The following PLPPR1 variants were observed in gnomAD, a reference collection of about 807,000 sequenced individuals.
PLPPR1 encodes the protein phospholipid phosphatase-related protein type 1.
A neutral mutation model predicts 33.1 loss-of-function variants in PLPPR1; 10 were observed. The ratio of observed to expected loss-of-function variants is 0.30; its 90% CI spans 0.19 to 0.51. The LOEUF is 0.51. PLPPR1 is among the 20% of genes least tolerant of loss of function. PLPPR1 has a pLI of 0.97. For missense variants in PLPPR1, 304 were observed against 408.1 expected (o/e 0.74, Z 2.20); for synonymous variants, 151 against 151.0 (o/e 1.00, Z 0.00).
chr9:101,223,148 C>CA (rs869205435), intron 2 of PLPPR1, among the ~76,000 whole-genome samples: 1,435 of 23,666 alleles, frequency 0.061, 49 homozygotes, highest in African/African-American at 0.17. Flanking sequence ...CCCATCTCTA[C>CA]AAAAAAAAAA....
intron 5 of PLPPR1, among the ~76,000 whole-genome samples, chr9:101,312,158 GAATA>G (rs1828970410): frequency 6.6e-6 from 1 of 152,218 alleles, no homozygotes; most frequent in African/African-American, 2.4e-5. Flanking sequence ...GTAAATGAAT[GAATA>G]AAGCTGATCA....
intron 4 of PLPPR1, among the ~76,000 whole-genome samples, chr9:101,296,491 C>T (rs1305708561): frequency 6.6e-6 from 1 of 151,904 alleles, no homozygotes; most frequent in African/African-American, 2.4e-5. Flanking sequence ...TATAAAGACA[C>T]ATGCACATGT....
chr9:101,155,722 C>A (rs1831674620), intron 1 of PLPPR1, among the ~76,000 whole-genome samples: 1 of 152,112 alleles, frequency 6.6e-6, no homozygotes, highest in Admixed American at 6.5e-5. Context: ...GCCTCAGCCT[C>A]CCAAGTAGCT....
chr9:101,160,097 G>C (rs939886863), intron 1 of PLPPR1, among the ~76,000 whole-genome samples: 1 of 152,190 alleles, frequency 6.6e-6, no homozygotes, highest in African/African-American at 2.4e-5. Flanking sequence ...GATTTGTAAA[G>C]TGCATGCCTG....
chr9:101,190,694 A>G (rs1187889889), intron 2 of PLPPR1, among the ~76,000 whole-genome samples: 1 of 152,164 alleles, frequency 6.6e-6, no homozygotes, highest in Admixed American at 6.5e-5. Flanking sequence ...AAGCTGCCTG[A>G]CAATACAGCA....
chr9:101,308,383 A>T (rs905109273), intron 4 of PLPPR1, among the ~76,000 whole-genome samples: 1 of 152,224 alleles, frequency 6.6e-6, no homozygotes, highest in African/African-American at 2.4e-5. Context: ...GATGTGGATT[A>T]TACCCTGAGC....
At chr9:101,172,713 C>T (rs1481744422) in intron 1 of PLPPR1, among the ~76,000 whole-genome samples, 1 of 152,090 alleles carries the variant, frequency 6.6e-6, no homozygotes, top group East Asian at 1.9e-4. Flanking sequence ...GCCTTGTGAA[C>T]TTGAGATGCC....
At chr9:101,252,493 A>AT (rs1827728975) in intron 2 of PLPPR1, among the ~76,000 whole-genome samples, 1 of 152,148 alleles carries the variant, frequency 6.6e-6, no homozygotes, top group Non-Finnish European at 1.5e-5. Context: ...GAAAGACATT[A>AT]TCTTAGTGGC....
At chr9:101,192,471 G>A (rs1826313267) in intron 2 of PLPPR1, among the ~76,000 whole-genome samples, 1 of 152,014 alleles carries the variant, frequency 6.6e-6, no homozygotes, top group African/African-American at 2.4e-5. Flanking sequence ...AATTTCTTTG[G>A]ACCCCAATTG....
chr9:101,175,053 G>A (rs918431697), intron 1 of PLPPR1, among the ~76,000 whole-genome samples: 2 of 152,052 alleles, frequency 1.3e-5, no homozygotes, highest in Admixed American at 6.6e-5. Flanking sequence ...ATTAGACCTG[G>A]CATTGTTTTT....
rs535393628 is a variant in PLPPR1, at chr9:101,107,923, C to T, written c.-45-77527C>T. Reference sequence around the variant, plus strand: ...AGTGACCCGATTTTCCAGGTGCGTTCGTCACCCCTTTCTTTGACTCGGAAA... The same window carrying T: ...AGTGACCCGATTTTCCAGGTGCGTTTGTCACCCCTTTCTTTGACTCGGAAA... On this transcript the variant is annotated intron_variant, in intron 1 of 7. Coordinates refer to ENST00000374874, the MANE Select transcript of PLPPR1 (RefSeq NM_207299.2). 8.3e-4 allele frequency among the ~76,000 whole-genome samples: 125 copies of T among 151,180 alleles called. 6 individuals carry two copies. The highest frequency in any genetic ancestry group is 2.3e-3 in the African/African-American group (95 of 40,778).
chr9:101,290,035 T>C (rs1278015249), intron 4 of PLPPR1, among the ~76,000 whole-genome samples: 1 of 152,068 alleles, frequency 6.6e-6, no homozygotes, highest in African/African-American at 2.4e-5. Flanking sequence ...GTAGGAGGGG[T>C]GAAGGAATGC....
chr9:101,168,323 T>C (rs941034878), intron 1 of PLPPR1, among the ~76,000 whole-genome samples: 1 of 152,156 alleles, frequency 6.6e-6, no homozygotes, highest in Non-Finnish European at 1.5e-5. Flanking sequence ...TTCCTTGGTG[T>C]CTTTTATGTG....
At chr9:101,271,099 G>T (rs1388786402) in intron 3 of PLPPR1, among the ~76,000 whole-genome samples, 1 of 152,114 alleles carries the variant, frequency 6.6e-6, no homozygotes, top group Non-Finnish European at 1.5e-5. Context: ...TTGACCCCAG[G>T]CTCTACAAAG....
At position 101,153,751 on chromosome 9, in the gene PLPPR1, A is replaced by AT. The variant is rs3983751; in HGVS notation, c.-45-31686dup. 2.0e-3 allele frequency among the ~76,000 whole-genome samples: 281 copies of AT among 144,032 alleles called. 1 individual carries two copies. Among genetic ancestry groups the AT allele is most frequent in the Middle Eastern group, 3.6e-3 (1 of 278 alleles). The allele number at this position is 144,032 out of a possible 152,430, so 94.5% of individuals were successfully genotyped here. On this transcript the variant is annotated intron_variant, in intron 1 of 7. Coordinates refer to ENST00000374874, the MANE Select transcript of PLPPR1 (RefSeq NM_207299.2). Reference sequence around the variant, plus strand: ...CACCATGCCTGGCTATTTTTTTTGTATTTTTTTTTTTTTAGTAGAGACGGG... The same window carrying AT: ...CACCATGCCTGGCTATTTTTTTTGTATTTTTTTTTTTTTTAGTAGAGACGGG...
chr9:101,286,068 C>G, intron 3 of PLPPR1, 36 bp from the exon 4 acceptor site: 1 of 1,590,820 alleles, frequency 6.3e-7, no homozygotes, highest in Non-Finnish European at 8.6e-7. Context: ...TCAAACAGAT[C>G]TCCAACTTGA....
chr9:101,212,791 T>A (rs956066708), intron 2 of PLPPR1, among the ~76,000 whole-genome samples: 1 of 152,182 alleles, frequency 6.6e-6, no homozygotes, highest in Admixed American at 6.5e-5. Context: ...AACGTGAGGA[T>A]TGAGTACAAG....
intron 1 of PLPPR1, among the ~76,000 whole-genome samples, chr9:101,111,506 T>A (rs1378071115): frequency 6.6e-6 from 1 of 152,192 alleles, no homozygotes; most frequent in African/African-American, 2.4e-5. Flanking sequence ...GTGAAATATT[T>A]GGGGGATAGT....
At chr9:101,201,692 G>C (rs1475702209) in intron 2 of PLPPR1, among the ~76,000 whole-genome samples, 1 of 152,180 alleles carries the variant, frequency 6.6e-6, no homozygotes, top group Non-Finnish European at 1.5e-5. Context: ...AATCCAGCTA[G>C]AGCAAATATG....
Sources: gnomAD v4.1 joint callset for allele counts (sites outside exome capture counted in the v4.1 genomes callset) on GRCh38, gnomAD v4.1.1 for gene constraint, MANE v1.5 for transcripts, NCBI Gene and HGNC (gene_info 2026-07-23, HGNC 2026-07-21) for gene names.